LRP1B: variants seen among roughly 807,000 people sequenced by gnomAD.
The protein encoded by LRP1B is LDL receptor related protein 1B, also known as low-density lipoprotein receptor-related protein 1B.
A neutral mutation model predicts 556.6 loss-of-function variants in LRP1B; 217 were observed. That is an observed-to-expected ratio of 0.39 (90% CI 0.35 to 0.44). LRP1B has a LOEUF of 0.44. LRP1B is among the 20% of genes least tolerant of loss of function. LRP1B has a pLI of 1.00. For missense variants in LRP1B, 5,053 were observed against 5,620.8 expected, an observed-to-expected ratio of 0.90 and a Z score of 3.23; for synonymous variants, 2,047 against 1,865.8, an observed-to-expected ratio of 1.10 and a Z score of -2.50.
intron 35 of LRP1B, 130 bp downstream of exon 35, chr2:140,769,083 T>A: frequency 1.2e-6 from 1 of 826,138 alleles, no homozygotes; most frequent in Non-Finnish European, 1.9e-6. Context: ...GGCCTTAATA[T>A]TTATCTATTT....
chr2:140,878,567 T>A (rs1446901159), intron 25 of LRP1B, among the ~76,000 whole-genome samples: 1 of 152,174 alleles, frequency 6.6e-6, no homozygotes, highest in Admixed American at 6.5e-5. Flanking sequence ...AGATCTTTCA[T>A]AGACAACAGG....
intron 49 of LRP1B, among the ~76,000 whole-genome samples, chr2:140,517,708 C>CAT: frequency 2.1e-5 from 1 of 47,948 alleles, no homozygotes; most frequent in Non-Finnish European, 3.7e-5. Context: ...ATTTATCTTT[C>CAT]CTTTTTTTTT....
chr2:141,729,003 C>G (rs1046116849), intron 2 of LRP1B, among the ~76,000 whole-genome samples: 2 of 152,134 alleles, frequency 1.3e-5, no homozygotes, highest in East Asian at 3.9e-4. Context: ...CAGTCTCTCT[C>G]AATCAGCAAG....
chr2:141,487,506 A>T (rs1683164048), intron 2 of LRP1B, among the ~76,000 whole-genome samples: 1 of 152,202 alleles, frequency 6.6e-6, no homozygotes, highest in Non-Finnish European at 1.5e-5. Flanking sequence ...GAATACTCTC[A>T]AAATTATAAT....
At chr2:140,608,396 A>T (rs778350162) in intron 41 of LRP1B, among the ~76,000 whole-genome samples, 18 of 152,222 alleles carry the variant, frequency 1.2e-4, no homozygotes, top group Non-Finnish European at 2.6e-4. Flanking sequence ...TAGCCAAGGC[A>T]TTGTAATAAT....
chr2:141,963,937 C>T (rs1236378558), intron 1 of LRP1B, among the ~76,000 whole-genome samples: 2 of 112,824 alleles, frequency 1.8e-5, no homozygotes, highest in Non-Finnish European at 3.6e-5. Flanking sequence ...ACAAGCATTC[C>T]TATACACCAA....
intron 41 of LRP1B, among the ~76,000 whole-genome samples, chr2:140,620,315 T>A (rs1683405652): frequency 6.6e-6 from 1 of 152,190 alleles, no homozygotes; most frequent in African/African-American, 2.4e-5. Context: ...TAAAGTTCAA[T>A]GAGATTAAGT....
intron 1 of LRP1B, among the ~76,000 whole-genome samples, chr2:141,869,348 T>G (rs1698510505): frequency 6.6e-6 from 1 of 152,042 alleles, no homozygotes; most frequent in Non-Finnish European, 1.5e-5. Context: ...ATACCTTCTA[T>G]ATCTGCTGTT....
intron 7 of LRP1B, among the ~76,000 whole-genome samples, chr2:141,094,563 C>T (rs983418016): frequency 3.3e-5 from 5 of 152,116 alleles, no homozygotes; most frequent in Non-Finnish European, 7.3e-5. Flanking sequence ...ATGTTACTGA[C>T]CTGTGTTCAT....
intron 72 of LRP1B, among the ~76,000 whole-genome samples, chr2:140,363,871 G>A (rs980708925): frequency 5.9e-5 from 9 of 151,456 alleles, no homozygotes; most frequent in East Asian, 1.9e-4. Flanking sequence ...TTATTTACCT[G>A]GTGTGCCACT....
At chr2:141,012,672 A>AGTGG (rs1465037036) in intron 14 of LRP1B, among the ~76,000 whole-genome samples, 3 of 151,988 alleles carry the variant, frequency 2.0e-5, no homozygotes, top group Non-Finnish European at 4.4e-5. Context: ...ATTTTAATAT[A>AGTGG]GTGGGAAAAA....
Position 141,361,762 on chromosome 2 carries a change from A to C in LRP1B, c.344-107121T>G, listed in dbSNP as rs116823458. On this transcript the variant is annotated intron_variant, in intron 3 of 90. Coordinates refer to ENST00000389484, the MANE Select transcript of LRP1B (RefSeq NM_018557.3). ...AGTTATCTGAAGAAGAACGCTGTTC[A>C]GTCCTTCAGAAAAGTCTATTTGAGA... 1.2e-3 allele frequency among the ~76,000 whole-genome samples: 186 copies of C among 152,334 alleles called. 1 individual carries two copies. Among genetic ancestry groups the C allele is most frequent in the African/African-American group, 4.0e-3 (166 of 41,578 alleles).
At chr2:141,148,584 A>T (rs1306286711) in intron 7 of LRP1B, among the ~76,000 whole-genome samples, 1 of 152,138 alleles carries the variant, frequency 6.6e-6, no homozygotes, top group Non-Finnish European at 1.5e-5. Flanking sequence ...TCCACATACC[A>T]GTTGAAGGAA....
intron 79 of LRP1B, among the ~76,000 whole-genome samples, chr2:140,328,991 T>C (rs1005692253): frequency 6.6e-6 from 1 of 152,232 alleles, no homozygotes; most frequent in Admixed American, 6.5e-5. Context: ...TATGTAGTTA[T>C]TTATTTTCTT....
At chr2:141,934,365 A>AT (rs1163146253) in intron 1 of LRP1B, among the ~76,000 whole-genome samples, 1 of 152,174 alleles carries the variant, frequency 6.6e-6, no homozygotes, top group Non-Finnish European at 1.5e-5. Context: ...ATGACTGAGA[A>AT]TTTTTTATAA....
chr2:140,440,739 A>ATGTGTGTGTGTGTG (rs1279713239), intron 66 of LRP1B, among the ~76,000 whole-genome samples: 1 of 86,390 alleles, frequency 1.2e-5, no homozygotes, highest in Non-Finnish European at 2.8e-5. Context: ...GTCCCTCTGT[A>ATGTGTGTGTGTGTG]TGTATGTGTG....
chr2:140,736,080 CT>C (rs1193124300), intron 35 of LRP1B, among the ~76,000 whole-genome samples: 2 of 151,960 alleles, frequency 1.3e-5, no homozygotes, highest in Admixed American at 1.3e-4. Flanking sequence ...GAAACTATGC[CT>C]TTCTTCATGT....
At chr2:140,776,014 T>G in intron 33 of LRP1B, 84 bp downstream of exon 33, 1 of 1,165,234 alleles carries the variant, frequency 8.6e-7, no homozygotes, top group Non-Finnish European at 1.2e-6. Context: ...AATAGAAACC[T>G]TTTATTGTTG....
intron 11 of LRP1B, among the ~76,000 whole-genome samples, chr2:141,041,449 C>T (rs1030402489): frequency 1.3e-5 from 2 of 152,086 alleles, no homozygotes; most frequent in Admixed American, 1.3e-4. Flanking sequence ...CTGGAAGCCA[C>T]CTGCCTTTCT....
Sources: gnomAD v4.1 joint callset for allele counts (sites outside exome capture counted in the v4.1 genomes callset) on GRCh38, gnomAD v4.1.1 for gene constraint, MANE v1.5 for transcripts, NCBI Gene and HGNC (gene_info 2026-07-23, HGNC 2026-07-21) for gene names.